G3BP2: variants seen among roughly 807,000 people sequenced by gnomAD.
The protein encoded by G3BP2 is G3BP stress granule assembly factor 2, also known as ras GTPase-activating protein-binding protein 2.
A neutral mutation model predicts 56.7 loss-of-function variants in G3BP2; 11 were observed. The ratio of observed to expected loss-of-function variants is 0.19; its 90% CI spans 0.12 to 0.32. The LOEUF is 0.32. G3BP2 is among the 10% of genes least tolerant of loss of function. G3BP2 has a pLI of 1.00. For missense variants in G3BP2, 340 were observed against 610.9 expected (o/e 0.56, Z 4.67); for synonymous variants, 165 against 191.6 (o/e 0.86, Z 1.15).
intron 3 of G3BP2, among the ~76,000 whole-genome samples, chr4:75,701,592 C>T (rs1435932131): frequency 1.3e-5 from 2 of 152,022 alleles, no homozygotes; most frequent in African/African-American, 4.8e-5. Context: ...CCATGCCCGG[C>T]TAATTTTGTA....
At chr4:75,673,064 G>A (rs1733627209) in intron 1 of G3BP2, 144 bp downstream of exon 1, 4 of 1,008,960 alleles carry the variant, frequency 4.0e-6, no homozygotes, top group South Asian at 4.6e-5. Flanking sequence ...GGCACCGTAG[G>A]GAGCCGGCAA....
intron 3 of G3BP2, among the ~76,000 whole-genome samples, chr4:75,709,633 A>G (rs1560422588): frequency 6.6e-6 from 1 of 151,912 alleles, no homozygotes; most frequent in Non-Finnish European, 1.5e-5. Flanking sequence ...AAAAGGAAGG[A>G]AGGAAGGATT....
chr4:75,655,113 T>G lies in G3BP2; in HGVS notation c.679A>C (p.Thr227Pro), dbSNP rs746226623. The change falls in exon 7 of 12, where the codon ACT becomes CCT. Residue 227 changes from threonine to proline, a missense_variant. This residue lies in a region of G3BP2 where 224 missense variants were observed against 332.5 expected (regional missense o/e 0.67). Coordinates refer to ENST00000359707, the MANE Select transcript of G3BP2 (RefSeq NM_203505.3). ...GAAACAGGTTCTGCCGGAGGAGGAG[T>G]AGTAGATTTCTCCTCTAGTTCTTCT... ...NLEELEEKST[T>P]PPPAEPVSLP... is the part of the protein sequence containing the mutation. 3.7e-5 allele frequency: 60 copies of G among 1,612,690 alleles called. No individual in the cohort carries two copies. Among genetic ancestry groups the G allele is most frequent in the Middle Eastern group, 1.6e-4 (1 of 6,072 alleles).
intron 9 of G3BP2, 117 bp from the exon 10 acceptor site, chr4:75,647,274 G>A: frequency 1.5e-6 from 1 of 650,134 alleles, no homozygotes; most frequent in Non-Finnish European, 2.5e-6. Flanking sequence ...ATAAGACTAG[G>A]TGAGCTTCTT....
chr4:75,666,260 AAT>A (rs1472249119), intron 1 of G3BP2, among the ~76,000 whole-genome samples: 1 of 152,230 alleles, frequency 6.6e-6, no homozygotes, highest in Non-Finnish European at 1.5e-5. Flanking sequence ...TTGATTAATC[AAT>A]ACTCAATAAA....
At chr4:75,676,371 C>T (rs1578419847), upstream of G3BP2, among the ~76,000 whole-genome samples, 1 of 116,720 alleles carries the variant, frequency 8.6e-6, no homozygotes, top group Non-Finnish European at 1.6e-5. Context: ...GAGATGGAGT[C>T]TCGCTCTGTC....
chr4:75,676,256 G>A (rs770062444), upstream of G3BP2, among the ~76,000 whole-genome samples: 1 of 151,750 alleles, frequency 6.6e-6, no homozygotes, highest in Non-Finnish European at 1.5e-5. Context: ...AGGGAGACCA[G>A]TGTGAACGGT....
At chr4:75,673,622 A>G, upstream of G3BP2, 1 of 1,230,958 alleles carries the variant, frequency 8.1e-7, no homozygotes. Flanking sequence ...CCTAAAGCCA[A>G]GATAAGAGTC....
At chr4:75,696,310 A>G (rs1719118723) in intron 3 of G3BP2, among the ~76,000 whole-genome samples, 1 of 152,188 alleles carries the variant, frequency 6.6e-6, no homozygotes, top group Admixed American at 6.5e-5. Flanking sequence ...GGTTATGACA[A>G]GTGCACACTG....
chr4:75,701,070 T>A (rs1719324956), intron 3 of G3BP2, among the ~76,000 whole-genome samples: 1 of 151,978 alleles, frequency 6.6e-6, no homozygotes, highest in Non-Finnish European at 1.5e-5. Context: ...TTCAAACTCC[T>A]GACCTCAGGT....
intron 2 of G3BP2, among the ~76,000 whole-genome samples, chr4:75,721,016 G>A (rs1034033235): frequency 2.0e-5 from 3 of 150,246 alleles, no homozygotes; most frequent in Non-Finnish European, 3.0e-5. Flanking sequence ...ATGATGGTGT[G>A]CACCTGTAGT....
intron 8 of G3BP2, among the ~76,000 whole-genome samples, chr4:75,653,242 C>T (rs184675006): frequency 1.1e-4 from 17 of 152,142 alleles, no homozygotes; most frequent in African/African-American, 3.6e-4. Flanking sequence ...CATTTATATA[C>T]TAACATTTCA....
At chr4:75,667,411 C>T (rs1199548265) in intron 1 of G3BP2, among the ~76,000 whole-genome samples, 1 of 152,026 alleles carries the variant, frequency 6.6e-6, no homozygotes, top group Non-Finnish European at 1.5e-5. Flanking sequence ...TGGTTGTTAG[C>T]CTCACCTAAC....
chr4:75,703,275 A>C (rs1364639937), intron 3 of G3BP2, among the ~76,000 whole-genome samples: 1 of 152,198 alleles, frequency 6.6e-6, no homozygotes, highest in African/African-American at 2.4e-5. Flanking sequence ...CAGATTTCAC[A>C]GGGCTTAAAC....
chr4:75,708,592 G>A (rs1025544892), intron 3 of G3BP2, among the ~76,000 whole-genome samples: 1 of 152,216 alleles, frequency 6.6e-6, no homozygotes, highest in African/African-American at 2.4e-5. Flanking sequence ...TGTGAGACCT[G>A]AGGAGATGGT....
At position 75,647,005 on chromosome 4, in the gene G3BP2, CCAACAGCAAAATAAATCA is replaced by C; in HGVS notation, c.1057+6_1057+23del. The C allele has an allele frequency of 6.8e-7, 1 of 1,479,622 alleles. No individual in the cohort carries two copies. The highest frequency in any genetic ancestry group is 9.2e-7 in the Non-Finnish European group (1 of 1,083,622). The allele number at this position is 1,479,622 out of a possible 1,614,324, so 91.7% of individuals were successfully genotyped here. Reference sequence around the variant, plus strand: ...CTTAATTTAAAATAATTTAAAAACTCCAACAGCAAAATAAATCACTTACTCATGAAGAATTCCTTTAGC... The same window carrying C: ...CTTAATTTAAAATAATTTAAAAACTCCTTACTCATGAAGAATTCCTTTAGC... On this transcript the variant is annotated splice_donor_region_variant and intron_variant, in intron 10 of 11. Coordinates refer to ENST00000359707, the MANE Select transcript of G3BP2 (RefSeq NM_203505.3).
upstream of G3BP2, among the ~76,000 whole-genome samples, chr4:75,678,262 G>A (rs959583391): frequency 6.6e-6 from 1 of 151,748 alleles, no homozygotes; most frequent in Non-Finnish European, 1.5e-5. Flanking sequence ...CTCCTGAGTA[G>A]CTGGGACCAC....
rs1733650518 is a variant in G3BP2, at chr4:75,673,226, G to A, written c.-43C>T. ...TACACACCTCCAGCCAACGGCGGCGGCGGGTACGTCGCGCGGAGGTCAGAA... is the reference window on the plus strand; with the variant it reads ...TACACACCTCCAGCCAACGGCGGCGACGGGTACGTCGCGCGGAGGTCAGAA... On this transcript the variant is annotated 5_prime_UTR_variant, in exon 1 of 12. Coordinates refer to ENST00000359707, the MANE Select transcript of G3BP2 (RefSeq NM_203505.3). The A allele has an allele frequency of 8.2e-7, 1 of 1,214,564 alleles. No homozygotes were observed. The highest frequency in any genetic ancestry group is 1.6e-5 in the African/African-American group (1 of 64,000). The allele number at this position is 1,214,564 out of a possible 1,614,324, so 75.2% of individuals were successfully genotyped here.
At position 75,642,941 on chromosome 4, in the gene G3BP2, T is replaced by C. The variant is rs1730950980; in HGVS notation, c.*2489A>G. ...ATAAAGATGGTAATCCATTGTCTTC[T>C]ATACCTACTAAAGCCAAGATGGTAA... On this transcript the variant is annotated 3_prime_UTR_variant, in exon 12 of 12. Coordinates refer to ENST00000359707, the MANE Select transcript of G3BP2 (RefSeq NM_203505.3). 6.6e-6 allele frequency: 1 copy of C among 152,622 alleles called. No individual in the cohort carries two copies. The highest frequency in any genetic ancestry group is 1.5e-5 in the Non-Finnish European group (1 of 68,012). 9.5% of individuals were successfully genotyped at this position (152,622 alleles called of 1,614,324 possible). A position where few individuals can be genotyped will look rare whatever the true frequency, so the allele number is the denominator to read the frequency against.
Sources: gnomAD v4.1 joint callset for allele counts (sites outside exome capture counted in the v4.1 genomes callset) on GRCh38, gnomAD v4.1.1 for gene constraint, gnomAD v4.1.1 regional missense constraint, MANE v1.5 for transcripts, NCBI Gene and HGNC (gene_info 2026-07-23, HGNC 2026-07-21) for gene names.